The following HERC1 variants were observed in gnomAD, a reference collection of about 807,000 sequenced individuals.
HERC1 encodes HECT and RLD domain containing E3 ubiquitin protein ligase family member 1, also known as probable E3 ubiquitin-protein ligase HERC1.
HERC1 carries 160 observed loss-of-function variants against 554.3 expected under a neutral mutation model. The ratio of observed to expected loss-of-function variants is 0.29; its 90% CI spans 0.25 to 0.33. The LOEUF is 0.33. Among genes scored for constraint, HERC1 ranks in the 10% least tolerant of loss-of-function variants. The pLI, the probability that HERC1 is intolerant of heterozygous loss-of-function variation, is 1.00. For synonymous variants in HERC1, 2,175 were observed against 2,131.7 expected, an observed-to-expected ratio of 1.02 and a Z score of -0.56; for missense variants, 4,919 against 5,918.5, an observed-to-expected ratio of 0.83 and a Z score of 5.54.
chr15:63,770,519 G>A (rs1474166980), intron 2 of HERC1, among the ~76,000 whole-genome samples: 1 of 152,170 alleles, frequency 6.6e-6, no homozygotes, highest in Non-Finnish European at 1.5e-5. Flanking sequence ...GGCATCAAAG[G>A]TGAATGGCGT....
chr15:63,672,418 T>A (rs2070979747), intron 39 of HERC1, 78 bp downstream of exon 39: 2 of 946,486 alleles, frequency 2.1e-6, no homozygotes, highest in South Asian at 4.0e-5. Context: ...CAGTTGGGCA[T>A]ACTATTCATA....
chr15:63,664,302 T>C (rs896513565), intron 43 of HERC1, among the ~76,000 whole-genome samples, 168 bp downstream of exon 43: 2 of 152,242 alleles, frequency 1.3e-5, no homozygotes, highest in Admixed American at 1.3e-4. Flanking sequence ...TGCTACGATT[T>C]AAATAAAATT....
intron 12 of HERC1, among the ~76,000 whole-genome samples, chr15:63,738,266 G>A (rs2074632687): frequency 6.6e-6 from 1 of 152,036 alleles, no homozygotes; most frequent in African/African-American, 2.4e-5. Context: ...GACAAAGAAA[G>A]ACTAAGGAAT....
At chr15:63,681,874 T>C (rs924535887) in intron 34 of HERC1, among the ~76,000 whole-genome samples, 2 of 152,176 alleles carry the variant, frequency 1.3e-5, no homozygotes, top group African/African-American at 4.8e-5. Flanking sequence ...GCCTACAGGA[T>C]TCTTCTATAC....
chr15:63,686,504 T>C lies in HERC1; in HGVS notation c.6080A>G (p.Asn2027Ser). The C allele has an allele frequency of 1.2e-6, 2 of 1,613,418 alleles. No individual in the cohort carries two copies. Among genetic ancestry groups the C allele is most frequent in the Non-Finnish European group, 1.7e-6 (2 of 1,179,712 alleles). The change falls in exon 34 of 78, where the codon AAT becomes AGT. Residue 2027 changes from asparagine to serine, a missense_variant. This residue lies in a region of HERC1 where 1,121 missense variants were observed against 1,244.0 expected (regional missense o/e 0.90). Transcript: ENST00000443617. ...AAAGGATACTTCTTGGATAGGAAGA[T>C]TCTCATCTTCTTCTTCCAACTCGCC... is the stretch of plus-strand genomic sequence containing the variant. ...KQGELEEEDE[N>S]LPIQEVSFDP...
intron 32 of HERC1, 110 bp downstream of exon 32, chr15:63,690,431 G>T (rs2072042182): frequency 4.5e-6 from 3 of 668,248 alleles, no homozygotes; most frequent in South Asian, 4.4e-5. Context: ...TAAACGTTAT[G>T]CTATTGAATA....
At chr15:63,732,290 C>T (rs187157402) in intron 14 of HERC1, among the ~76,000 whole-genome samples, 97 of 152,124 alleles carry the variant, frequency 6.4e-4, no homozygotes, top group African/African-American at 2.2e-3. Context: ...CATAAGACAC[C>T]GCGCCTGGCC....
chr15:63,688,894 G>C (rs1444812166), intron 33 of HERC1, among the ~76,000 whole-genome samples: 2 of 152,150 alleles, frequency 1.3e-5, no homozygotes, highest in Admixed American at 6.5e-5. Flanking sequence ...GCTGGGGGAA[G>C]GGTTTGAGGG....
At chr15:63,619,588 T>A (rs2067979125) in intron 74 of HERC1, among the ~76,000 whole-genome samples, 1 of 152,244 alleles carries the variant, frequency 6.6e-6, no homozygotes, top group African/African-American at 2.4e-5. Context: ...CTCCTCCTTG[T>A]ACCTCTGGTA....
intron 57 of HERC1, 107 bp downstream of exon 57, chr15:63,644,885 G>A: frequency 1.3e-6 from 1 of 753,204 alleles, no homozygotes; most frequent in Non-Finnish European, 2.3e-6. Flanking sequence ...AATGGATCTT[G>A]CCCTTTGGGA....
At chr15:63,714,696 G>A (rs538858886) in intron 22 of HERC1, among the ~76,000 whole-genome samples, 12 of 151,538 alleles carry the variant, frequency 7.9e-5, no homozygotes, top group Non-Finnish European at 1.6e-4. Flanking sequence ...TTACAGATGC[G>A]CGCCACCACA....
At position 63,708,284 on chromosome 15, in the gene HERC1, T is replaced by C. The variant is rs979458185; in HGVS notation, c.4585-1453A>G. Among the ~76,000 whole-genome samples, 7 of 152,304 alleles carry C rather than the reference T, an allele frequency of 4.6e-5. No individual in the cohort carries two copies. In the East Asian group the frequency reaches 1.3e-3, roughly 29 times the overall value. On this transcript the variant is annotated intron_variant, in intron 24 of 77. Coordinates refer to ENST00000443617, the MANE Select transcript of HERC1 (RefSeq NM_003922.4). Reference sequence around the variant, plus strand: ...CTGGTTCTCTTGAACAATTTTGTTTTTTATCTTTTAGACACTGTGAATTAT... The same window carrying C: ...CTGGTTCTCTTGAACAATTTTGTTTCTTATCTTTTAGACACTGTGAATTAT...
At chr15:63,705,519 G>A (rs968090518) in intron 25 of HERC1, among the ~76,000 whole-genome samples, 4 of 152,078 alleles carry the variant, frequency 2.6e-5, no homozygotes, top group African/African-American at 9.7e-5. Flanking sequence ...AAAAAATTAT[G>A]TGTGCATTGC....
chr15:63,615,875 T>A lies in HERC1; in HGVS notation c.13987A>T (p.Met4663Leu), dbSNP rs2067792764. The A allele has an allele frequency of 6.2e-7, 1 of 1,605,092 alleles. No individual in the cohort carries two copies. Among genetic ancestry groups the A allele is most frequent in the Non-Finnish European group, 8.5e-7 (1 of 1,176,448 alleles). Reference protein sequence around the residue: ...SFVGQSADGKMVPIIPGGNSI... With the variant: ...SFVGQSADGKLVPIIPGGNSI... Reference sequence around the variant, plus strand: ...TTTCCACCAGGGATTATAGGAACCATTTTGCCATCAGCACTCTGGCCAACA... The same window carrying A: ...TTTCCACCAGGGATTATAGGAACCAATTTGCCATCAGCACTCTGGCCAACA... Residue 4663 changes from methionine to leucine, a missense_variant, in exon 76 of 78, where the codon ATG (methionine) becomes TTG (leucine). Physicochemically the swap from Met to Leu is conservative, Grantham distance 15. Transcript: ENST00000443617.
chr15:63,626,717 C>A (rs1326161578), intron 70 of HERC1, among the ~76,000 whole-genome samples: 1 of 152,172 alleles, frequency 6.6e-6, no homozygotes, highest in East Asian at 1.9e-4. Context: ...CCACAGCTAC[C>A]CTCCTATAAA....
chr15:63,790,894 G>T (rs1194528975), intron 1 of HERC1, among the ~76,000 whole-genome samples: 1 of 151,388 alleles, frequency 6.6e-6, no homozygotes, highest in Non-Finnish European at 1.5e-5. Context: ...ATAATCAAAA[G>T]TTATAATCCC....
Position 63,674,871 on chromosome 15 carries a change from A to G in HERC1, c.7317T>C (p.Asp2439=), listed in dbSNP as rs2071115485. Residue 2439 remains aspartate (D), a synonymous_variant, in exon 38 of 78, where the codon GAT becomes GAC. Coordinates refer to ENST00000443617, the MANE Select transcript of HERC1 (RefSeq NM_003922.4). ...EQKPESESAL[D]MRTGLTSDDV... Reference sequence around the variant, plus strand: ...CATCAGATGTTAGGCCTGTTCGCATATCTAAAGCGGATTCACTCTCAGGTT... The same window carrying G: ...CATCAGATGTTAGGCCTGTTCGCATGTCTAAAGCGGATTCACTCTCAGGTT... 6 of 1,613,892 alleles carry G rather than the reference A, an allele frequency of 3.7e-6. 1 individual carries two copies. The East Asian group carries it at 1.3e-4, about 36-fold the overall frequency.
rs1173797097 is a variant in HERC1, at chr15:63,692,933, C to G, written c.5675-367G>C. ...CAATGGCTCACATCTGTAATCCCAGCACTTTGGGAGGTCGAGGCGGGCGGA... is the reference window on the plus strand; with the variant it reads ...CAATGGCTCACATCTGTAATCCCAGGACTTTGGGAGGTCGAGGCGGGCGGA... On this transcript the variant is annotated intron_variant, in intron 30 of 77. Transcript: ENST00000443617. The surrounding 1 kb of genome is among the most constrained non-coding windows in gnomAD (Gnocchi z 4.7). 6.6e-6 allele frequency among the ~76,000 whole-genome samples: 1 copy of G among 152,118 alleles called. No homozygotes were observed. The highest frequency in any genetic ancestry group is 2.4e-5 in the African/African-American group (1 of 41,434).
chr15:63,824,210 A>G (rs2077804421), intron 1 of HERC1, among the ~76,000 whole-genome samples: 1 of 152,206 alleles, frequency 6.6e-6, no homozygotes, highest in South Asian at 2.1e-4. Context: ...TGGAACCGCC[A>G]TTATGGAAAA....
Sources: allele counts gnomAD v4.1 joint callset (sites outside exome capture counted in the v4.1 genomes callset), GRCh38; gene constraint gnomAD v4.1.1; regional missense constraint gnomAD v4.1.1; non-coding constraint Gnocchi (gnomAD v3.1); transcripts MANE v1.5; gene names NCBI Gene and HGNC (gene_info 2026-07-23, HGNC 2026-07-21).